RPGRIP1: variants seen among roughly 807,000 people sequenced by gnomAD.
RPGRIP1 encodes the protein RPGR interacting protein 1.
Under a neutral mutation model 157.9 loss-of-function variants are expected in RPGRIP1, and 128 were observed. The observed-to-expected ratio is 0.81, with a 90% CI of 0.70 to 0.94. RPGRIP1 has a LOEUF of 0.94. Among genes scored for constraint, RPGRIP1 ranks in the 40% least tolerant of loss-of-function variants. RPGRIP1 has a pLI of 0.00. For synonymous variants in RPGRIP1, 554 were observed against 571.6 expected, an observed-to-expected ratio of 0.97 and a Z score of 0.44; for missense variants, 1,486 against 1,545.8, an observed-to-expected ratio of 0.96 and a Z score of 0.65.
intron 21 of RPGRIP1, among the ~76,000 whole-genome samples, chr14:21,337,210 T>G (rs1386342293): frequency 1.3e-5 from 2 of 152,146 alleles, no homozygotes; most frequent in Non-Finnish European, 2.9e-5. Flanking sequence ...GCTCTGCTAC[T>G]TAACTAGATA....
At chr14:21,303,620 C>A in intron 6 of RPGRIP1, 77 bp downstream of exon 6, 2 of 1,074,744 alleles carry the variant, frequency 1.9e-6, no homozygotes, top group Non-Finnish European at 1.4e-6. Flanking sequence ...ACCTTTCCTC[C>A]ATCTCAGAGG....
At chr14:21,322,043 T>A in intron 14 of RPGRIP1, 39 bp downstream of exon 14, 5 of 1,567,458 alleles carry the variant, frequency 3.2e-6, no homozygotes, top group Non-Finnish European at 4.3e-6. Flanking sequence ...TTCGGGACCC[T>A]TCCACAGCTA....
At chr14:21,320,298 C>T in intron 12 of RPGRIP1, 121 bp downstream of exon 12, 1 of 750,034 alleles carries the variant, frequency 1.3e-6, no homozygotes, top group Non-Finnish European at 2.0e-6. Context: ...TGAGGACACT[C>T]TTTTTTTTTT....
intron 1 of RPGRIP1, among the ~76,000 whole-genome samples, chr14:21,282,990 C>T (rs1448604383): frequency 6.6e-6 from 1 of 152,162 alleles, no homozygotes; most frequent in Non-Finnish European, 1.5e-5. Context: ...TCTCAACTGG[C>T]TTTTCTTCTC....
At chr14:21,337,099 T>C (rs1234793778) in intron 21 of RPGRIP1, among the ~76,000 whole-genome samples, 2 of 152,344 alleles carry the variant, frequency 1.3e-5, no homozygotes, top group Admixed American at 6.5e-5. Context: ...ACTTGAGTTC[T>C]GTCACTCTTC....
intron 20 of RPGRIP1, among the ~76,000 whole-genome samples, chr14:21,331,919 C>G (rs1213112914): frequency 1.3e-5 from 2 of 148,344 alleles, no homozygotes; most frequent in Non-Finnish European, 3.0e-5. Flanking sequence ...TCTCTAGAAG[C>G]ATTTTATATA....
chr14:21,310,958 C>G (rs1424495762), intron 8 of RPGRIP1: 4 of 535,858 alleles, frequency 7.5e-6, no homozygotes, highest in Non-Finnish European at 1.5e-5. Flanking sequence ...TGCAGGTATT[C>G]TCAGATGGTC....
chr14:21,286,013 C>T (rs1880284696), intron 1 of RPGRIP1, among the ~76,000 whole-genome samples: 1 of 151,980 alleles, frequency 6.6e-6, no homozygotes, highest in African/African-American at 2.4e-5. Context: ...GTTTTTTAGA[C>T]AGTTTTGCTC....
At chr14:21,283,843 C>G (rs951743819) in intron 1 of RPGRIP1, among the ~76,000 whole-genome samples, 1 of 150,918 alleles carries the variant, frequency 6.6e-6, no homozygotes, top group African/African-American at 2.4e-5. Flanking sequence ...TGTGGCTGGG[C>G]TAGTCTCGAA....
In RPGRIP1 at chr14:21,310,558, AAAT is replaced by A. The variant is rs398099213; in HGVS notation, c.907-16_907-14del. On this transcript the variant is annotated intron_variant, in intron 7 of 24. Coordinates refer to ENST00000400017, the MANE Select transcript of RPGRIP1 (RefSeq NM_020366.4). ...ATATCATGAAATTGATAAATCAATA[AAAT>A]AATAATAATTTCTTTCTTCCAGGCA... 276,218 of 1,225,388 alleles carry A rather than the reference AAAT, an allele frequency of 0.23. 33,568 individuals are homozygous for A. The highest frequency in any genetic ancestry group is 0.35 in the Admixed American group (12,175 of 35,046). The allele number at this position is 1,225,388 out of a possible 1,614,324, so 75.9% of individuals were successfully genotyped here. A position where few individuals can be genotyped will look rare whatever the true frequency, so the allele number is the denominator to read the frequency against.
At chr14:21,324,531 G>T (rs760958361) in intron 14 of RPGRIP1, 87 bp from the exon 15 acceptor site, 3 of 1,119,798 alleles carry the variant, frequency 2.7e-6, no homozygotes, top group Non-Finnish European at 4.0e-6. Context: ...TCCACCATGT[G>T]TTTTATATTT....
Position 21,317,764 on chromosome 14 carries a change from A to G in RPGRIP1, c.1220A>G (p.Gln407Arg), listed in dbSNP as rs1165875686. The change falls in exon 11 of 25, where the codon CAG (glutamine) becomes CGG (arginine). Residue 407 changes from glutamine (Q) to arginine (R), a missense_variant. Gln to Arg is a conservative substitution (Grantham distance 43). Coordinates refer to ENST00000400017, the MANE Select transcript of RPGRIP1 (RefSeq NM_020366.4). ...AACGAGCTCATAGCGGAACAGCTACAGCAGCAAGTCTCTCAGCTGCAGGAT... is the reference window on the plus strand; with the variant it reads ...AACGAGCTCATAGCGGAACAGCTACGGCAGCAAGTCTCTCAGCTGCAGGAT... ...WSNELIAEQL[Q>R]QQVSQLQDQL... 1 of 1,597,468 alleles carries G rather than the reference A, an allele frequency of 6.3e-7. No homozygotes were observed. The highest frequency in any genetic ancestry group is 1.7e-4 in the Middle Eastern group (1 of 6,044).
rs182920176 is a variant in RPGRIP1, at chr14:21,288,032, C to G, written c.56C>G (p.Ala19Gly). The change falls in exon 2 of 25, where the codon GCT becomes GGT. Residue 19 changes from alanine (A) to glycine (G), a missense_variant. Physicochemically the swap from Ala to Gly is moderately conservative, Grantham distance 60 (BLOSUM62 0). Coordinates refer to ENST00000400017, the MANE Select transcript of RPGRIP1 (RefSeq NM_020366.4). ...GACTTGCCAGTTAGAGACATAGATG[C>G]TATACCTCTGGTGCTACCAGCCTCA... ...SGDLPVRDID[A>G]IPLVLPASKG... The G allele has an allele frequency of 6.2e-7, 1 of 1,613,100 alleles. No homozygotes were observed. The highest frequency in any genetic ancestry group is 2.2e-5 in the East Asian group (1 of 44,880).
chr14:21,284,985 G>A (rs1880250459), intron 1 of RPGRIP1, among the ~76,000 whole-genome samples: 1 of 149,982 alleles, frequency 6.7e-6, no homozygotes, highest in Admixed American at 6.6e-5. Flanking sequence ...TCATACATTC[G>A]GTGTTTATTT....
In RPGRIP1 at chr14:21,328,628, G is replaced by A. The variant is rs1883370595; in HGVS notation, c.3099+1G>A. ...CATCTTAAATGGAAATACACCAGAG[G>A]TAAGACCTTAAAAACTCTGAAGCAC... On this transcript the variant is annotated splice_donor_variant, in intron 19 of 24. Coordinates refer to ENST00000400017, the MANE Select transcript of RPGRIP1 (RefSeq NM_020366.4). LOFTEE classifies it high-confidence loss of function. 1.2e-6 allele frequency: 2 copies of A among 1,601,864 alleles called. No individual in the cohort carries two copies. Among genetic ancestry groups the A allele is most frequent in the African/African-American group, 1.3e-5 (1 of 74,690 alleles).
intron 10 of RPGRIP1, chr14:21,317,423 TG>T: frequency 1.5e-6 from 1 of 655,638 alleles, no homozygotes; most frequent in Non-Finnish European, 2.5e-6. Context: ...GCCATCATGG[TG>T]GAGAAGTTCC....
rs149565902 is a variant in RPGRIP1 at position 21,325,397 on chromosome 14, T to C, written c.2367+14T>C. ...CAGGAAGAGGAGGTGAGAAAAAAGA[T>C]GTGCCGAGGCATCTCAGAGGAGCCT... On this transcript the variant is annotated intron_variant, in intron 16 of 24. Transcript: ENST00000400017. 1 of 1,558,018 alleles carries C rather than the reference T, an allele frequency of 6.4e-7. No individual in the cohort carries two copies. Among genetic ancestry groups the C allele is most frequent in the African/African-American group, 1.4e-5 (1 of 73,444 alleles).
chr14:21,350,025 G>A (rs1007984231), intron 24 of RPGRIP1, among the ~76,000 whole-genome samples: 1 of 152,052 alleles, frequency 6.6e-6, no homozygotes, highest in African/African-American at 2.4e-5. Flanking sequence ...ATGTGAAACT[G>A]AATTAGTAAA....
chr14:21,283,062 T>C (rs970740394), intron 1 of RPGRIP1, among the ~76,000 whole-genome samples: 3 of 152,194 alleles, frequency 2.0e-5, no homozygotes, highest in African/African-American at 7.2e-5. Context: ...TTAATGATAC[T>C]TTTCAATTGC....
Sources: allele counts gnomAD v4.1 joint callset (sites outside exome capture counted in the v4.1 genomes callset), GRCh38; gene constraint gnomAD v4.1.1; transcripts MANE v1.5; gene names NCBI Gene and HGNC (gene_info 2026-07-23, HGNC 2026-07-21).